Variants in ZNF160 observed in about 807,000 individuals in gnomAD.
ZNF160 encodes KRAB zinc finger protein KR18.
ZNF160 carries 9 observed loss-of-function variants against 13.1 expected under a neutral mutation model. That is an observed-to-expected ratio of 0.69 (90% CI 0.41 to 1.20). ZNF160 has a LOEUF of 1.20. Among genes scored for constraint, ZNF160 ranks in the 50% most tolerant of loss-of-function variants. The pLI, the probability that ZNF160 is intolerant of heterozygous loss-of-function variation, is 0.01. For synonymous variants in ZNF160, 293 were observed against 333.2 expected (o/e 0.88, Z 1.31); for missense variants, 838 against 988.0 (o/e 0.85, Z 2.04).
At chr19:53,088,952 C>T (rs1164548364) in intron 2 of ZNF160, among the ~76,000 whole-genome samples, 3 of 152,220 alleles carry the variant, frequency 2.0e-5, no homozygotes, top group South Asian at 2.1e-4. Flanking sequence ...ATGTGCTTCC[C>T]TAACACTTTC....
intron 5 of ZNF160, chr19:53,073,456 T>C (rs1351505374): frequency 6.3e-7 from 1 of 1,598,290 alleles, no homozygotes; most frequent in Non-Finnish European, 8.5e-7. Context: ...CCATGAGGTT[T>C]GGGGCAGCAG....
intron 3 of ZNF160, among the ~76,000 whole-genome samples, chr19:53,081,572 T>C (rs1163572699): frequency 2.0e-5 from 3 of 151,936 alleles, no homozygotes; most frequent in African/African-American, 2.4e-5. Flanking sequence ...CACCATTTCA[T>C]ACCAGGCATA....
chr19:53,093,420 C>A (rs12709936), intron 1 of ZNF160, among the ~76,000 whole-genome samples: 71,795 of 151,280 alleles, frequency 0.47, 17,873 homozygotes, highest in Non-Finnish European at 0.56. Context: ...GCCTGGGCAA[C>A]AGAGCAGGAC....
intron 1 of ZNF160, among the ~76,000 whole-genome samples, chr19:53,099,047 T>C (rs2085345513): frequency 6.9e-6 from 1 of 145,166 alleles, no homozygotes; most frequent in African/African-American, 2.7e-5. Flanking sequence ...CCCCAGCATC[T>C]GAACCACAAC....
intron 2 of ZNF160, among the ~76,000 whole-genome samples, chr19:53,090,580 C>T (rs993942669): frequency 2.0e-5 from 3 of 152,180 alleles, no homozygotes; most frequent in Non-Finnish European, 2.9e-5. Flanking sequence ...GAATCTGGGA[C>T]AAAAGAACAT....
At chr19:53,080,838 A>G (rs1006251606) in intron 3 of ZNF160, among the ~76,000 whole-genome samples, 5 of 152,234 alleles carry the variant, frequency 3.3e-5, no homozygotes, top group Admixed American at 6.5e-5. Context: ...AGGCTACAGT[A>G]AACAAAACAG....
rs1292101950 is a variant in ZNF160 at position 53,066,671 on chromosome 19, A to G, written c.*1406T>C. On this transcript the variant is annotated 3_prime_UTR_variant, in exon 6 of 6. Coordinates refer to ENST00000683776, the MANE Select transcript of ZNF160 (RefSeq NM_001322131.2). ...ACATTATATCTATGATACATTCTGA[A>G]TAAAACATTAGCAAAATGTGCTTCA... The G allele has an allele frequency of 1.3e-5, 2 of 152,232 alleles. No homozygotes were observed. The highest frequency in any genetic ancestry group is 4.8e-5 in the African/African-American group (2 of 41,468). The allele number at this position is 152,232 out of a possible 1,614,324, so 9.4% of individuals were successfully genotyped here. A position where few individuals can be genotyped will look rare whatever the true frequency, so the allele number is the denominator to read the frequency against.
At chr19:53,100,552 G>A (rs1312425552) in intron 1 of ZNF160, among the ~76,000 whole-genome samples, 1 of 152,036 alleles carries the variant, frequency 6.6e-6, no homozygotes, top group Non-Finnish European at 1.5e-5. Flanking sequence ...GGAGCTTGCA[G>A]TGAGCCGAGA....
At chr19:53,078,377 T>C (rs913469161) in intron 3 of ZNF160, among the ~76,000 whole-genome samples, 1 of 151,778 alleles carries the variant, frequency 6.6e-6, no homozygotes, top group Non-Finnish European at 1.5e-5. Context: ...GCCACCATAT[T>C]CCAGCCTGTG....
intron 5 of ZNF160, among the ~76,000 whole-genome samples, chr19:53,070,982 G>T (rs143559801): frequency 0.01 from 1,538 of 152,100 alleles, 18 homozygotes; most frequent in African/African-American, 0.032. Flanking sequence ...TGGATCATGA[G>T]GTCAGGAGAT....
Position 53,092,313 on chromosome 19 carries a change from ATTTT to A in ZNF160, c.-353-597_-353-594del, listed in dbSNP as rs113329786. On this transcript the variant is annotated intron_variant, in intron 1 of 5. Coordinates refer to ENST00000683776, the MANE Select transcript of ZNF160 (RefSeq NM_001322131.2). ...AGATTTTAAGCGTATTTGATAGGGTATTTTTTTTTTCTTTTGAGACAGAGTCTCC... is the reference window on the plus strand; with the variant it reads ...AGATTTTAAGCGTATTTGATAGGGTATTTTTTCTTTTGAGACAGAGTCTCC... Among the ~76,000 whole-genome samples the A allele has an allele frequency of 3.3e-5, 5 of 149,838 alleles. 1 individual carries two copies. Among genetic ancestry groups the A allele is most frequent in the Admixed American group, 3.3e-4 (5 of 14,994 alleles).
At chr19:53,091,060 C>T (rs185557732) in intron 2 of ZNF160, 1,548 of 152,238 alleles carry the variant, frequency 0.01, 10 homozygotes, top group Non-Finnish European at 0.016. Context: ...CTATAGGGTC[C>T]GGAGTGACGG....
chr19:53,079,875 C>T (rs1257562705), intron 3 of ZNF160, among the ~76,000 whole-genome samples: 2 of 151,958 alleles, frequency 1.3e-5, no homozygotes, highest in African/African-American at 2.4e-5. Flanking sequence ...AGTTTGAGTC[C>T]AGGAGTTCGA....
At chr19:53,090,801 T>C (rs1478897624) in intron 2 of ZNF160, among the ~76,000 whole-genome samples, 1 of 152,110 alleles carries the variant, frequency 6.6e-6, no homozygotes, top group African/African-American at 2.4e-5. Context: ...GCAGACGCAA[T>C]GAAGGGCGAG....
At chr19:53,090,818 G>A (rs897160346) in intron 2 of ZNF160, among the ~76,000 whole-genome samples, 5 of 152,216 alleles carry the variant, frequency 3.3e-5, no homozygotes, top group African/African-American at 1.2e-4. Flanking sequence ...CGAGGCTTAG[G>A]GGACCCAAAG....
chr19:53,098,281 G>C (rs948116531), intron 1 of ZNF160, among the ~76,000 whole-genome samples: 3 of 152,138 alleles, frequency 2.0e-5, no homozygotes, highest in African/African-American at 7.2e-5. Context: ...GCTCAGCATT[G>C]CTTCCACGCC....
At chr19:53,089,412 C>T (rs1396368187) in intron 2 of ZNF160, among the ~76,000 whole-genome samples, 1 of 152,160 alleles carries the variant, frequency 6.6e-6, no homozygotes, top group Non-Finnish European at 1.5e-5. Context: ...CTATAATCAG[C>T]ATCATATAAT....
At chr19:53,090,049 CCCT>C (rs1217257318) in intron 2 of ZNF160, among the ~76,000 whole-genome samples, 1 of 151,694 alleles carries the variant, frequency 6.6e-6, no homozygotes, top group East Asian at 1.9e-4. Flanking sequence ...CCTCTGCTCC[CCCT>C]ATTAAATCCC....
intron 2 of ZNF160, among the ~76,000 whole-genome samples, chr19:53,087,262 G>C (rs1042746769): frequency 2.0e-5 from 3 of 152,208 alleles, no homozygotes; most frequent in African/African-American, 7.2e-5. Context: ...TGGCGTCTGA[G>C]AGGTCCTGAG....
Sources: gnomAD v4.1 joint callset for allele counts (sites outside exome capture counted in the v4.1 genomes callset) on GRCh38, gnomAD v4.1.1 for gene constraint, MANE v1.5 for transcripts, NCBI Gene and HGNC (gene_info 2026-07-23, HGNC 2026-07-21) for gene names.